Variants in CHURC1 observed in about 807,000 individuals in gnomAD.
CHURC1 encodes the protein protein Churchill.
In CHURC1, 12 loss-of-function variants were observed where a neutral mutation model predicts 15.4. That is an observed-to-expected ratio of 0.78 (90% confidence interval 0.50 to 1.27). The LOEUF (loss-of-function observed/expected upper bound fraction) is 1.27. Among genes scored for constraint, CHURC1 ranks in the 50% most tolerant of loss-of-function variants. The pLI, the probability that CHURC1 is intolerant of heterozygous loss-of-function variation, is 0.00. For synonymous variants in CHURC1, 42 were observed against 47.5 expected (o/e 0.88, Z 0.48); for missense variants, 132 against 137.8 (o/e 0.96, Z 0.21).
chr14:64,922,293 C>T (rs2139891121), intron 1 of CHURC1, among the ~76,000 whole-genome samples: 1 of 151,692 alleles, frequency 6.6e-6, no homozygotes, highest in South Asian at 2.1e-4. Context: ...AAAAAAAAAT[C>T]AAAGGCTGGG....
At chr14:64,924,332 A>G in intron 2 of CHURC1, 1 of 491,050 alleles carries the variant, frequency 2.0e-6, no homozygotes, top group African/African-American at 2.0e-5. Flanking sequence ...GCAGATAACT[A>G]AAGCTTACGA....
In CHURC1 at chr14:64,928,091, C is replaced by T. The variant is rs1300569705; in HGVS notation, c.246+2011C>T. ...TACTTAGCATTGTCCCAACTTTACT[C>T]TTCCTTCTCTCCTGTTAGAGAGAAA... On this transcript the variant is annotated intron_variant, in intron 3 of 3. Coordinates refer to ENST00000549115, the MANE Select transcript of CHURC1 (RefSeq NM_001386928.1). Among the ~76,000 whole-genome samples the T allele has an allele frequency of 2.0e-5, 3 of 152,152 alleles. No individual in the cohort carries two copies. In the East Asian group the frequency reaches 5.8e-4, roughly 29 times the overall value.
At position 64,933,750 on chromosome 14, in the gene CHURC1, C is replaced by G; in HGVS notation, c.*1520C>G. 3.0e-6 allele frequency: 3 copies of G among 985,326 alleles called. No individual in the cohort carries two copies. Among genetic ancestry groups the G allele is most frequent in the Non-Finnish European group, 3.6e-6 (3 of 829,912 alleles). The allele number at this position is 985,326 out of a possible 1,614,324, so 61.0% of individuals were successfully genotyped here. A position where few individuals can be genotyped will look rare whatever the true frequency, so the allele number is the denominator to read the frequency against. On this transcript the variant is annotated 3_prime_UTR_variant, in exon 4 of 4. Coordinates refer to ENST00000549115, the MANE Select transcript of CHURC1 (RefSeq NM_001386928.1). ...ATCTAGGAGATTTGGAAATTCTGAACTAAGGTCTTATAAGAACAAGAAATG... is the reference window on the plus strand; with the variant it reads ...ATCTAGGAGATTTGGAAATTCTGAAGTAAGGTCTTATAAGAACAAGAAATG...
chr14:64,914,877 T>C (rs531167466), intron 1 of CHURC1, among the ~76,000 whole-genome samples: 1 of 152,342 alleles, frequency 6.6e-6, no homozygotes, highest in South Asian at 2.1e-4. Context: ...ACAATTTTCT[T>C]ACCGAATTCT....
intron 3 of CHURC1, among the ~76,000 whole-genome samples, chr14:64,930,199 C>T (rs1002258761): frequency 2.0e-5 from 3 of 151,996 alleles, no homozygotes; most frequent in African/African-American, 7.2e-5. Context: ...CCCCTAGGCC[C>T]TGCCCAGTTG....
intron 3 of CHURC1, among the ~76,000 whole-genome samples, chr14:64,930,310 G>T (rs1465166279): frequency 1.3e-5 from 2 of 152,092 alleles, no homozygotes; most frequent in Non-Finnish European, 2.9e-5. Flanking sequence ...CTGGCAGCAC[G>T]AGGAGATCTG....
chr14:64,929,939 G>GCCC (rs35455123), intron 3 of CHURC1, among the ~76,000 whole-genome samples: 2 of 143,412 alleles, frequency 1.4e-5, no homozygotes, highest in African/African-American at 5.3e-5. Flanking sequence ...CCTAGCAAAA[G>GCCC]CCCCCCCCCA....
In CHURC1 at chr14:64,934,303, A is replaced by G. The variant is rs2139927040; in HGVS notation, c.*2073A>G. 1 of 491,692 alleles carries G rather than the reference A, an allele frequency of 2.0e-6. No individual in the cohort carries two copies. The highest frequency in any genetic ancestry group is 2.6e-6 in the Non-Finnish European group (1 of 378,866). 30.5% of individuals were successfully genotyped at this position (491,692 alleles called of 1,614,324 possible). A position where few individuals can be genotyped will look rare whatever the true frequency, so the allele number is the denominator to read the frequency against. ...AGGGAGGTTGTGATGAGCCAAGGTCATGCCACTGCACTCCAGCCTGGGAGA... is the reference window on the plus strand; with the variant it reads ...AGGGAGGTTGTGATGAGCCAAGGTCGTGCCACTGCACTCCAGCCTGGGAGA... On this transcript the variant is annotated 3_prime_UTR_variant, in exon 4 of 4. Transcript: ENST00000549115.
At chr14:64,926,600 C>T (rs1305922643) in intron 3 of CHURC1, among the ~76,000 whole-genome samples, 2 of 152,176 alleles carry the variant, frequency 1.3e-5, no homozygotes, top group Non-Finnish European at 2.9e-5. Context: ...TCAACTGCCA[C>T]CATACTTGCC....
At chr14:64,923,787 CTT>C (rs60825476) in intron 1 of CHURC1, among the ~76,000 whole-genome samples, 30 of 77,020 alleles carry the variant, frequency 3.9e-4, no homozygotes, top group African/African-American at 1.1e-3. Flanking sequence ...ACTTTAGTTG[CTT>C]TTTTTTTTTT....
Position 64,934,313 on chromosome 14 carries a change from A to T in CHURC1, c.*2083A>T, listed in dbSNP as rs1014240757. 3.5e-6 allele frequency: 2 copies of T among 568,548 alleles called. No individual in the cohort carries two copies. The highest frequency in any genetic ancestry group is 6.3e-5 in the Admixed American group (1 of 15,752). 35.2% of individuals were successfully genotyped at this position (568,548 alleles called of 1,614,324 possible). ...TGATGAGCCAAGGTCATGCCACTGCACTCCAGCCTGGGAGACAGAGCAAGA... is the reference window on the plus strand; with the variant it reads ...TGATGAGCCAAGGTCATGCCACTGCTCTCCAGCCTGGGAGACAGAGCAAGA... On this transcript the variant is annotated 3_prime_UTR_variant, in exon 4 of 4. Transcript: ENST00000549115.
intron 1 of CHURC1, among the ~76,000 whole-genome samples, chr14:64,916,657 A>G (rs1883901559): frequency 6.6e-6 from 1 of 152,056 alleles, no homozygotes; most frequent in African/African-American, 2.4e-5. Context: ...GGCTCACTGC[A>G]AGCTCCGCCT....
At chr14:64,931,131 T>C (rs954079183) in intron 3 of CHURC1, among the ~76,000 whole-genome samples, 1 of 152,232 alleles carries the variant, frequency 6.6e-6, no homozygotes, top group African/African-American at 2.4e-5. Flanking sequence ...AGACTTAACA[T>C]AGATGTTTGT....
chr14:64,926,884 G>A (rs905214090), intron 3 of CHURC1, among the ~76,000 whole-genome samples: 3 of 152,188 alleles, frequency 2.0e-5, no homozygotes, highest in Non-Finnish European at 4.4e-5. Flanking sequence ...AAGATACACA[G>A]GTCTGACGGT....
At chr14:64,915,471 G>A (rs1228892821) in intron 1 of CHURC1, among the ~76,000 whole-genome samples, 4 of 152,234 alleles carry the variant, frequency 2.6e-5, no homozygotes, top group Non-Finnish European at 5.9e-5. Flanking sequence ...CTGAGAAAAG[G>A]TGGACATCAT....
chr14:64,919,297 A>C (rs1323353655), intron 1 of CHURC1, among the ~76,000 whole-genome samples: 1 of 152,244 alleles, frequency 6.6e-6, no homozygotes, highest in Non-Finnish European at 1.5e-5. Flanking sequence ...ACAGGAATAC[A>C]GAAATACATT....
chr14:64,924,765 A>T (rs3949938), intron 2 of CHURC1, among the ~76,000 whole-genome samples: 15,408 of 152,202 alleles, frequency 0.1, 1,030 homozygotes, highest in South Asian at 0.24. Flanking sequence ...AGCACTAAGG[A>T]TTTCTGTAAG....
intron 3 of CHURC1, among the ~76,000 whole-genome samples, chr14:64,928,451 G>C (rs563836053): frequency 1.3e-5 from 2 of 152,142 alleles, no homozygotes; most frequent in Admixed American, 1.3e-4. Context: ...GATCTCACTT[G>C]GTTGCCCAGG....
rs1431476753 is a variant in CHURC1, at chr14:64,933,729, A to G, written c.*1499A>G. On this transcript the variant is annotated 3_prime_UTR_variant, in exon 4 of 4. Transcript: ENST00000549115. ...GAAACAAAAGTGTTTCTTCATATCTAGGAGATTTGGAAATTCTGAACTAAG... is the reference window on the plus strand; with the variant it reads ...GAAACAAAAGTGTTTCTTCATATCTGGGAGATTTGGAAATTCTGAACTAAG... The G allele has an allele frequency of 1.0e-6, 1 of 985,328 alleles. No homozygotes were observed. 61.0% of individuals were successfully genotyped at this position (985,328 alleles called of 1,614,324 possible).
Sources: gnomAD v4.1 joint callset for allele counts (sites outside exome capture counted in the v4.1 genomes callset) on GRCh38, gnomAD v4.1.1 for gene constraint, MANE v1.5 for transcripts, NCBI Gene and HGNC (gene_info 2026-07-23, HGNC 2026-07-21) for gene names.